MEIS1: variants seen among roughly 807,000 people sequenced by gnomAD.
The protein encoded by MEIS1 is Meis homeobox 1.
Under a neutral mutation model 50.8 loss-of-function variants are expected in MEIS1, and 5 were observed. The ratio of observed to expected loss-of-function variants is 0.10; its 90% CI spans 0.05 to 0.21. The LOEUF (loss-of-function observed/expected upper bound fraction) is 0.21, where lower values mean the gene tolerates loss of function less well. Ranked by LOEUF, MEIS1 falls within the 10% of genes least tolerant of loss-of-function variation. The pLI, the probability that MEIS1 is intolerant of heterozygous loss-of-function variation, is 1.00. For synonymous variants in MEIS1, 176 were observed against 179.3 expected, an observed-to-expected ratio of 0.98 and a Z score of 0.15; for missense variants, 318 against 517.3, an observed-to-expected ratio of 0.61 and a Z score of 3.74.
At chr2:66,567,778 A>G (rs1213106260) in intron 10 of MEIS1, 3 of 574,998 alleles carry the variant, frequency 5.2e-6, no homozygotes, top group East Asian at 2.8e-5. Flanking sequence ...TACACATTCA[A>G]TATATTAATG....
chr2:66,467,816 T>C (rs555269952), intron 7 of MEIS1, among the ~76,000 whole-genome samples: 19 of 152,278 alleles, frequency 1.2e-4, no homozygotes, highest in African/African-American at 4.6e-4. Context: ...TTGCAGGAGA[T>C]TGATTCTTTA....
chr2:66,568,412 G>A, intron 10 of MEIS1: 1 of 382,670 alleles, frequency 2.6e-6, no homozygotes, highest in South Asian at 2.8e-5. Context: ...CCCATTATGT[G>A]GTCACCAGAC....
intron 8 of MEIS1, among the ~76,000 whole-genome samples, chr2:66,515,587 A>C (rs759470315): frequency 6.6e-6 from 1 of 152,186 alleles, no homozygotes; most frequent in South Asian, 2.1e-4. Context: ...ACATACTTGT[A>C]TATAATGAAA....
chr2:66,496,973 A>G (rs543403014), intron 7 of MEIS1, among the ~76,000 whole-genome samples: 8 of 152,266 alleles, frequency 5.3e-5, no homozygotes, highest in African/African-American at 1.9e-4. Flanking sequence ...AACTTTGACT[A>G]AGATACACTC....
At chr2:66,437,356 C>A in intron 1 of MEIS1, 1 of 216,050 alleles carries the variant, frequency 4.6e-6, no homozygotes, top group Non-Finnish European at 9.3e-6. Flanking sequence ...AGTGTCCTGG[C>A]ACGTTTTATT....
At chr2:66,497,113 A>G (rs1673424976) in intron 7 of MEIS1, among the ~76,000 whole-genome samples, 1 of 152,204 alleles carries the variant, frequency 6.6e-6, no homozygotes, top group Non-Finnish European at 1.5e-5. Context: ...GAGAGCATAC[A>G]GCAATAAGAA....
intron 7 of MEIS1, among the ~76,000 whole-genome samples, chr2:66,508,094 C>T (rs1040068523): frequency 3.3e-5 from 5 of 152,212 alleles, no homozygotes; most frequent in Admixed American, 2.0e-4. Flanking sequence ...GACAGTTTGA[C>T]ATATAGTGCA....
At chr2:66,565,023 C>T (rs150843710) in intron 9 of MEIS1, among the ~76,000 whole-genome samples, 1 of 152,122 alleles carries the variant, frequency 6.6e-6, no homozygotes, top group East Asian at 1.9e-4. Flanking sequence ...GTGGTGAGTG[C>T]TGTATTAGTT....
At chr2:66,495,487 T>A (rs1234926668) in intron 7 of MEIS1, among the ~76,000 whole-genome samples, 1 of 152,114 alleles carries the variant, frequency 6.6e-6, no homozygotes, top group Non-Finnish European at 1.5e-5. Context: ...TTATGGAGAG[T>A]TACTTCAGAG....
At chr2:66,510,103 A>G (rs1237678658) in intron 7 of MEIS1, among the ~76,000 whole-genome samples, 1 of 152,156 alleles carries the variant, frequency 6.6e-6, no homozygotes, top group Non-Finnish European at 1.5e-5. Context: ...TGCATATTGA[A>G]AGTGGATTAG....
chr2:66,520,375 G>GGAGGCA lies in MEIS1; in HGVS notation c.888+8086_888+8087insAGAGGC, dbSNP rs1236748619. Among the ~76,000 whole-genome samples, 4 of 122,786 alleles carry GGAGGCA rather than the reference G, an allele frequency of 3.3e-5. No homozygotes were observed. The East Asian group carries it at 1.6e-3, about 49-fold the overall frequency. 80.6% of individuals were successfully genotyped at this position (122,786 alleles called of 152,430 possible). On this transcript the variant is annotated intron_variant, in intron 8 of 12. Coordinates refer to ENST00000272369, the MANE Select transcript of MEIS1 (RefSeq NM_002398.3). ...AGGCACCTATAGTCCCAGCTACTCA[G>GGAGGCA]GAGGCTGAGGCAGGAGAATGGCTTG...
At chr2:66,466,020 G>C (rs1672626052) in intron 7 of MEIS1, among the ~76,000 whole-genome samples, 1 of 152,014 alleles carries the variant, frequency 6.6e-6, no homozygotes, top group African/African-American at 2.4e-5. Context: ...TTATATTTGA[G>C]TCCAATACCT....
At chr2:66,507,305 G>C (rs993970927) in intron 7 of MEIS1, among the ~76,000 whole-genome samples, 32 of 152,066 alleles carry the variant, frequency 2.1e-4, no homozygotes, top group Admixed American at 1.3e-4. Flanking sequence ...GAGGAGAAAA[G>C]TAAAGTTTAA....
chr2:66,464,497 A>C (rs1037972935), intron 7 of MEIS1, among the ~76,000 whole-genome samples: 7 of 152,360 alleles, frequency 4.6e-5, no homozygotes, highest in South Asian at 2.1e-4. Flanking sequence ...GTGAATAAAT[A>C]GTATGCCATT....
intron 8 of MEIS1, among the ~76,000 whole-genome samples, chr2:66,544,795 A>G (rs1460493622): frequency 6.6e-6 from 1 of 152,180 alleles, no homozygotes; most frequent in Non-Finnish European, 1.5e-5. Flanking sequence ...ACAGAGGAAA[A>G]AAAGGGTAGA....
In MEIS1 at chr2:66,572,359, C is replaced by CAA. The variant is rs1481256101; in HGVS notation, c.*1153_*1154dup. On this transcript the variant is annotated 3_prime_UTR_variant, in exon 13 of 13. Coordinates refer to ENST00000272369, the MANE Select transcript of MEIS1 (RefSeq NM_002398.3). ...TTAATATGTTGACTTTATTTCTGAG[C>CAA]AAAGCATCGGTCATGTGTGTATTTT... The CAA allele has an allele frequency of 1.3e-5, 2 of 152,236 alleles. No homozygotes were observed. Among genetic ancestry groups the CAA allele is most frequent in the East Asian group, 3.9e-4 (2 of 5,184 alleles). 9.4% of individuals were successfully genotyped at this position (152,236 alleles called of 1,614,324 possible). A position where few individuals can be genotyped will look rare whatever the true frequency, so the allele number is the denominator to read the frequency against.
Position 66,457,687 on chromosome 2 carries a change from A to AC in MEIS1, c.631-6415dup, listed in dbSNP as rs200156212. Among the ~76,000 whole-genome samples, 1,311 of 151,938 alleles carry AC rather than the reference A, an allele frequency of 8.6e-3. 22 individuals are homozygous for AC. Among genetic ancestry groups the AC allele is most frequent in the African/African-American group, 0.03 (1,249 of 41,428 alleles). On this transcript the variant is annotated intron_variant, in intron 6 of 12. Coordinates refer to ENST00000272369, the MANE Select transcript of MEIS1 (RefSeq NM_002398.3). The stretch of plus-strand genomic sequence containing the variant: ...AAGGGGAGCCGGGCTAATTAGATGC[A>AC]CCCCCCCAGACAGTGTGGGATGCTG...
intron 6 of MEIS1, among the ~76,000 whole-genome samples, chr2:66,460,770 T>C (rs1363795018): frequency 6.6e-6 from 1 of 152,108 alleles, no homozygotes; most frequent in East Asian, 1.9e-4. Context: ...GTTGTTGTTC[T>C]TGTTGTTTTG....
intron 7 of MEIS1, among the ~76,000 whole-genome samples, chr2:66,476,228 A>G (rs149762785): frequency 6.6e-6 from 1 of 152,242 alleles, no homozygotes; most frequent in Non-Finnish European, 1.5e-5. Context: ...GAAAGTTCTG[A>G]GGGAATATGA....
Sources: allele counts gnomAD v4.1 joint callset (sites outside exome capture counted in the v4.1 genomes callset), GRCh38; gene constraint gnomAD v4.1.1; transcripts MANE v1.5; gene names NCBI Gene and HGNC (gene_info 2026-07-23, HGNC 2026-07-21).